Variants in CNTN4 observed in about 807,000 individuals in gnomAD.
The protein encoded by CNTN4 is contactin 4.
Under a neutral mutation model 122.5 loss-of-function variants are expected in CNTN4, and 77 were observed. The ratio of observed to expected loss-of-function variants is 0.63; its 90% CI spans 0.52 to 0.76. The LOEUF is 0.76. CNTN4 is among the 30% of genes least tolerant of loss of function. The probability of loss-of-function intolerance (pLI) is 0.00; values close to 1 mark genes in which losing one functional copy is unlikely to be tolerated. For missense variants in CNTN4, 1,256 were observed against 1,259.1 expected, an observed-to-expected ratio of 1.00 and a Z score of 0.04; for synonymous variants, 512 against 447.0, an observed-to-expected ratio of 1.15 and a Z score of -1.83.
chr3:3,054,063 C>T, intron 24 of CNTN4, 88 bp downstream of exon 24: 1 of 1,358,348 alleles, frequency 7.4e-7, no homozygotes, highest in Non-Finnish European at 1.0e-6. Context: ...GACATTCAGC[C>T]TGCAAAAGCA....
intron 4 of CNTN4, among the ~76,000 whole-genome samples, chr3:2,675,575 G>A (rs2084798370): frequency 1.3e-5 from 2 of 152,200 alleles, no homozygotes; most frequent in African/African-American, 2.4e-5. Context: ...AAAGCTCCAC[G>A]AAGACCAGGA....
At chr3:2,196,012 G>A (rs374577654) in intron 2 of CNTN4, among the ~76,000 whole-genome samples, 1 of 152,020 alleles carries the variant, frequency 6.6e-6, no homozygotes, top group African/African-American at 2.4e-5. Context: ...TAAACTTCTG[G>A]AAAAAATCTA....
At chr3:2,642,743 A>G (rs2082948083) in intron 4 of CNTN4, among the ~76,000 whole-genome samples, 4 of 152,160 alleles carry the variant, frequency 2.6e-5, no homozygotes, top group Admixed American at 2.6e-4. Flanking sequence ...TTCTGCACTT[A>G]AAAGATAGAT....
chr3:2,976,867 C>CT (rs1302472487), intron 13 of CNTN4, among the ~76,000 whole-genome samples: 136 of 144,264 alleles, frequency 9.4e-4, no homozygotes, highest in Middle Eastern at 3.6e-3. Context: ...CAAAACAAGT[C>CT]TTTTTTTTTT....
At chr3:2,834,462 A>C (rs1013508583) in intron 7 of CNTN4, among the ~76,000 whole-genome samples, 1 of 151,952 alleles carries the variant, frequency 6.6e-6, no homozygotes, top group Non-Finnish European at 1.5e-5. Flanking sequence ...GCTACTTGGG[A>C]GGCTTGAGGC....
chr3:2,788,144 A>C (rs1399233683), intron 6 of CNTN4, among the ~76,000 whole-genome samples: 1 of 152,174 alleles, frequency 6.6e-6, no homozygotes, highest in Non-Finnish European at 1.5e-5. Context: ...CATCATCATC[A>C]TAACAGAAAT....
chr3:2,159,981 A>G (rs1374226917), intron 2 of CNTN4, among the ~76,000 whole-genome samples: 2 of 151,988 alleles, frequency 1.3e-5, no homozygotes, highest in African/African-American at 4.8e-5. Flanking sequence ...ACTCACCCAA[A>G]TTCTTTTTCT....
intron 2 of CNTN4, among the ~76,000 whole-genome samples, chr3:2,313,275 A>T (rs2042977600): frequency 6.6e-6 from 1 of 151,978 alleles, no homozygotes; most frequent in Non-Finnish European, 1.5e-5. Context: ...TTATATCAAT[A>T]CTGAAGGGAT....
chr3:2,378,518 C>G (rs72994084), intron 3 of CNTN4, among the ~76,000 whole-genome samples: 109 of 152,286 alleles, frequency 7.2e-4, no homozygotes, highest in Non-Finnish European at 1.0e-3. Flanking sequence ...AGGTAGCAAT[C>G]TCTGCTACTC....
Position 3,032,169 on chromosome 3 carries a change from G to C in CNTN4, c.1783+1194G>C, listed in dbSNP as rs540577213. On this transcript the variant is annotated intron_variant, in intron 16 of 24. Transcript: ENST00000418658. ...GAAATGAGAAAAAACTTTCAACCGAGGTAGATCTGCCCACAGAATAACTTA... is the reference window on the plus strand; with the variant it reads ...GAAATGAGAAAAAACTTTCAACCGACGTAGATCTGCCCACAGAATAACTTA... Among the ~76,000 whole-genome samples, 21 of 152,218 alleles carry C rather than the reference G, an allele frequency of 1.4e-4. No individual in the cohort carries two copies. In the South Asian group the frequency reaches 3.7e-3, roughly 27 times the overall value.
chr3:2,520,822 A>G (rs2077185969), intron 3 of CNTN4, among the ~76,000 whole-genome samples: 1 of 152,130 alleles, frequency 6.6e-6, no homozygotes, highest in South Asian at 2.1e-4. Context: ...AGATGACAGA[A>G]TCACCAGGTG....
In CNTN4 at chr3:2,185,432, G is replaced by C. The variant is rs112215902; in HGVS notation, c.-145+84793G>C. 5.1e-3 allele frequency among the ~76,000 whole-genome samples: 779 copies of C among 152,134 alleles called. 2 individuals are homozygous for C. The highest frequency in any genetic ancestry group is 0.017 in the African/African-American group (713 of 41,484). Reference sequence around the variant, plus strand: ...ATTTTTTTCACTTGGCTCTAAATTAGTATCCCAGATCTTTCAGGAGGGTCT... The same window carrying C: ...ATTTTTTTCACTTGGCTCTAAATTACTATCCCAGATCTTTCAGGAGGGTCT... On this transcript the variant is annotated intron_variant, in intron 2 of 24. Transcript: ENST00000418658.
intron 4 of CNTN4, among the ~76,000 whole-genome samples, chr3:2,724,613 G>A (rs1442305647): frequency 6.6e-6 from 1 of 152,102 alleles, no homozygotes. Flanking sequence ...CAGAAGTAGG[G>A]TACTTTAGCT....
chr3:2,457,940 T>C (rs1283604107), intron 3 of CNTN4, among the ~76,000 whole-genome samples: 1 of 152,180 alleles, frequency 6.6e-6, no homozygotes, highest in African/African-American at 2.4e-5. Context: ...AATGAGATTT[T>C]GACCACCTCA....
At chr3:2,114,283 T>C (rs1335444806) in intron 2 of CNTN4, among the ~76,000 whole-genome samples, 1 of 151,130 alleles carries the variant, frequency 6.6e-6, no homozygotes, top group African/African-American at 2.4e-5. Flanking sequence ...CAAAACCCCA[T>C]CTCAAAAAAA....
intron 3 of CNTN4, among the ~76,000 whole-genome samples, chr3:2,508,939 A>G (rs6767676): frequency 2.6e-3 from 391 of 152,362 alleles, no homozygotes; most frequent in African/African-American, 8.9e-3. Flanking sequence ...GGAGAAATGT[A>G]TGAAGAATTG....
chr3:2,261,155 A>T (rs1018492649), intron 2 of CNTN4, among the ~76,000 whole-genome samples: 1 of 151,400 alleles, frequency 6.6e-6, no homozygotes, highest in Non-Finnish European at 1.5e-5. Context: ...AAAATTCCTA[A>T]TTTTTTTTTC....
chr3:2,363,963 C>T (rs995124253), intron 3 of CNTN4, among the ~76,000 whole-genome samples: 1 of 152,072 alleles, frequency 6.6e-6, no homozygotes, highest in Non-Finnish European at 1.5e-5. Flanking sequence ...GTTATATGAT[C>T]TCTTCTTAAC....
At chr3:2,508,061 A>G (rs980086821) in intron 3 of CNTN4, among the ~76,000 whole-genome samples, 22 of 152,178 alleles carry the variant, frequency 1.4e-4, no homozygotes, top group Non-Finnish European at 2.5e-4. Context: ...TTTTAATTTC[A>G]TGACCCTGGT....
Sources: allele counts gnomAD v4.1 joint callset (sites outside exome capture counted in the v4.1 genomes callset), GRCh38; gene constraint gnomAD v4.1.1; transcripts MANE v1.5; gene names NCBI Gene and HGNC (gene_info 2026-07-23, HGNC 2026-07-21).